SLC35F4: variants seen among roughly 807,000 people sequenced by gnomAD.
SLC35F4 encodes solute carrier family 35 member F4.
A neutral mutation model predicts 44.2 loss-of-function variants in SLC35F4; 24 were observed. That is an observed-to-expected ratio of 0.54 (90% CI 0.39 to 0.76). SLC35F4 has a LOEUF of 0.76. Ranked by LOEUF, SLC35F4 falls within the 30% of genes least tolerant of loss-of-function variation. The pLI, the probability that SLC35F4 is intolerant of heterozygous loss-of-function variation, is 0.00. For synonymous variants in SLC35F4, 238 were observed against 223.6 expected, an observed-to-expected ratio of 1.06 and a Z score of -0.57; for missense variants, 562 against 586.1, an observed-to-expected ratio of 0.96 and a Z score of 0.42.
intron 1 of SLC35F4, among the ~76,000 whole-genome samples, chr14:57,887,811 A>G (rs2141036884): frequency 6.6e-6 from 1 of 152,284 alleles, no homozygotes; most frequent in East Asian, 1.9e-4. Context: ...ACAGCGATAC[A>G]AAGTCATGCC....
intron 1 of SLC35F4, among the ~76,000 whole-genome samples, chr14:57,758,000 CATGTGTGT>C (rs552754210): frequency 0.058 from 5,546 of 95,978 alleles, 161 homozygotes; most frequent in African/African-American, 0.12. Flanking sequence ...ATTATAGGTT[CATGTGTGT>C]GTGTGTGTGT....
intron 1 of SLC35F4, among the ~76,000 whole-genome samples, chr14:57,816,427 A>G (rs1882602905): frequency 6.6e-6 from 1 of 151,548 alleles, no homozygotes. Flanking sequence ...AATTTCCACT[A>G]TTCAGAAACC....
At chr14:57,807,747 T>G (rs935261684) in intron 1 of SLC35F4, among the ~76,000 whole-genome samples, 1 of 151,922 alleles carries the variant, frequency 6.6e-6, no homozygotes, top group Admixed American at 6.5e-5. Context: ...TTACTTTTTT[T>G]CTATTAAAAG....
At chr14:57,661,997 C>T (rs2074153919) in intron 1 of SLC35F4, among the ~76,000 whole-genome samples, 2 of 152,150 alleles carry the variant, frequency 1.3e-5, no homozygotes, top group South Asian at 4.1e-4. Context: ...TGGTGATCTG[C>T]AAAATGTGTC....
intron 1 of SLC35F4, chr14:57,981,895 A>C (rs1323034988): frequency 6.6e-6 from 1 of 152,238 alleles, no homozygotes; most frequent in African/African-American, 2.4e-5. Context: ...TAAAGAACAA[A>C]ATTATAGTAT....
At chr14:57,608,776 CA>C (rs1363184598) in intron 1 of SLC35F4, among the ~76,000 whole-genome samples, 1 of 127,348 alleles carries the variant, frequency 7.9e-6, no homozygotes, top group African/African-American at 3.6e-5. Flanking sequence ...AAAAGCAGCC[CA>C]AAAGATGGCC....
At chr14:57,910,748 T>G (rs1889201451) in intron 1 of SLC35F4, among the ~76,000 whole-genome samples, 1 of 152,078 alleles carries the variant, frequency 6.6e-6, no homozygotes, top group Non-Finnish European at 1.5e-5. Context: ...TCCTTCAATA[T>G]TTTATCAGAT....
At chr14:57,800,257 T>C (rs1451863794) in intron 1 of SLC35F4, among the ~76,000 whole-genome samples, 2 of 136,616 alleles carry the variant, frequency 1.5e-5, no homozygotes, top group Admixed American at 7.9e-5. Context: ...CCCAGCAACC[T>C]GCAGCAGTCC....
intron 1 of SLC35F4, among the ~76,000 whole-genome samples, chr14:57,609,070 A>G (rs2071338466): frequency 6.6e-6 from 1 of 152,140 alleles, no homozygotes; most frequent in African/African-American, 2.4e-5. Context: ...GAAAACACAG[A>G]AATTGTGTTA....
intron 1 of SLC35F4, among the ~76,000 whole-genome samples, chr14:57,643,734 A>G (rs1281039223): frequency 2.0e-5 from 3 of 152,140 alleles, no homozygotes; most frequent in Non-Finnish European, 2.9e-5. Flanking sequence ...CTCATTTAGC[A>G]TTAGGTATAT....
intron 1 of SLC35F4, among the ~76,000 whole-genome samples, chr14:57,748,055 T>A (rs571740545): frequency 1.3e-5 from 2 of 152,284 alleles, no homozygotes; most frequent in East Asian, 3.9e-4. Context: ...CATGGAAAAT[T>A]GAAAGCATTT....
At chr14:57,686,683 C>G (rs984804158) in intron 1 of SLC35F4, among the ~76,000 whole-genome samples, 1 of 152,100 alleles carries the variant, frequency 6.6e-6, no homozygotes, top group South Asian at 2.1e-4. Flanking sequence ...GGCACAAGAC[C>G]TTTTCTTCTA....
At chr14:57,718,718 A>G (rs560836999) in intron 1 of SLC35F4, among the ~76,000 whole-genome samples, 2 of 152,000 alleles carry the variant, frequency 1.3e-5, no homozygotes, top group Admixed American at 1.3e-4. Flanking sequence ...GAGTTGTTTG[A>G]GCTCCTTATA....
chr14:57,973,005 TC>T (rs1380791769), downstream of SLC35F4, among the ~76,000 whole-genome samples: 6 of 152,212 alleles, frequency 3.9e-5, no homozygotes, highest in African/African-American at 1.4e-4. Context: ...ACAACACTGC[TC>T]TGCAATAGGT....
intron 1 of SLC35F4, chr14:57,630,280 G>T: frequency 1.8e-6 from 1 of 561,724 alleles, no homozygotes; most frequent in East Asian, 3.5e-5. Flanking sequence ...TGTAAAAGAA[G>T]GAGATCAAGA....
intron 1 of SLC35F4, among the ~76,000 whole-genome samples, chr14:57,803,103 AC>A (rs1272605105): frequency 6.6e-6 from 1 of 152,012 alleles, no homozygotes; most frequent in African/African-American, 2.4e-5. Context: ...AAGCTTATCC[AC>A]CATGATCAAG....
intron 1 of SLC35F4, among the ~76,000 whole-genome samples, chr14:57,798,706 C>A (rs890624529): frequency 6.6e-6 from 1 of 152,178 alleles, no homozygotes; most frequent in African/African-American, 2.4e-5. Context: ...GAAATGTGCA[C>A]ATATCTGTTC....
intron 1 of SLC35F4, among the ~76,000 whole-genome samples, chr14:57,678,053 C>T (rs1454988470): frequency 6.6e-6 from 1 of 151,828 alleles, no homozygotes; most frequent in Non-Finnish European, 1.5e-5. Flanking sequence ...AGAAGAGCAA[C>T]CCCAAGACAA....
At position 57,959,764 on chromosome 14, in the gene SLC35F4, G is replaced by A. The variant is rs11847167; in HGVS notation, n.282+22149C>T. 3.6e-3 allele frequency among the ~76,000 whole-genome samples: 541 copies of A among 152,282 alleles called. 3 individuals carry two copies. The highest frequency in any genetic ancestry group is 0.012 in the African/African-American group (511 of 41,536). On this transcript the variant is annotated intron_variant and non_coding_transcript_variant, in intron 1 of 1. Coordinates refer to the SLC35F4 transcript ENST00000556568. ...ACCTACCTCATATATTTGTAGTGAGGATTTGTTAAGAGCTTAGTAAAATGC... is the reference window on the plus strand; with the variant it reads ...ACCTACCTCATATATTTGTAGTGAGAATTTGTTAAGAGCTTAGTAAAATGC...
Sources: allele counts gnomAD v4.1 joint callset (sites outside exome capture counted in the v4.1 genomes callset), GRCh38; gene constraint gnomAD v4.1.1; transcripts MANE v1.5; gene names NCBI Gene and HGNC (gene_info 2026-07-23, HGNC 2026-07-21).